The following CNTNAP2 variants were observed in gnomAD, a reference collection of about 807,000 sequenced individuals.
CNTNAP2 encodes contactin-associated protein-like 2.
Under a neutral mutation model 155.2 loss-of-function variants are expected in CNTNAP2, and 98 were observed. That is an observed-to-expected ratio of 0.63 (90% CI 0.54 to 0.75). The LOEUF (loss-of-function observed/expected upper bound fraction) is 0.75, where lower values mean the gene tolerates loss of function less well. Among genes scored for constraint, CNTNAP2 ranks in the 30% least tolerant of loss-of-function variants. CNTNAP2 has a pLI of 0.00. For synonymous variants in CNTNAP2, 651 were observed against 631.2 expected, an observed-to-expected ratio of 1.03 and a Z score of -0.47; for missense variants, 1,727 against 1,688.1, an observed-to-expected ratio of 1.02 and a Z score of -0.40.
intron 1 of CNTNAP2, among the ~76,000 whole-genome samples, chr7:146,489,428 T>G (rs1428972858): frequency 1.3e-5 from 2 of 152,182 alleles, no homozygotes; most frequent in Non-Finnish European, 2.9e-5. Flanking sequence ...AATAATAATG[T>G]GTATGGTTCA....
At chr7:148,288,642 A>G (rs1050293095) in intron 21 of CNTNAP2, among the ~76,000 whole-genome samples, 3 of 152,190 alleles carry the variant, frequency 2.0e-5, no homozygotes, top group Non-Finnish European at 4.4e-5. Context: ...TTGTGGGTCT[A>G]TTCAGATTAT....
chr7:146,469,376 G>A (rs1196931919), intron 1 of CNTNAP2, among the ~76,000 whole-genome samples: 3 of 148,802 alleles, frequency 2.0e-5, no homozygotes, highest in East Asian at 4.0e-4. Context: ...AATGTTGGAA[G>A]CATTAAAAAA....
At chr7:146,400,235 G>A (rs1240598380) in intron 1 of CNTNAP2, among the ~76,000 whole-genome samples, 1 of 150,984 alleles carries the variant, frequency 6.6e-6, no homozygotes, top group African/African-American at 2.5e-5. Flanking sequence ...CCGAATTTGT[G>A]CAATGAGTTA....
At chr7:146,159,997 A>G in intron 1 of CNTNAP2, among the ~76,000 whole-genome samples, 1 of 152,092 alleles carries the variant, frequency 6.6e-6, no homozygotes. Context: ...GAAGTAAAGC[A>G]CTCCTCATTA....
chr7:148,334,157 C>T (rs1169630459), intron 21 of CNTNAP2, among the ~76,000 whole-genome samples: 6 of 152,182 alleles, frequency 3.9e-5, no homozygotes, highest in Non-Finnish European at 7.3e-5. Flanking sequence ...GTTCTTTTAT[C>T]AGAGAGTCTA....
chr7:146,882,221 C>T (rs1181692156), intron 3 of CNTNAP2, among the ~76,000 whole-genome samples: 1 of 151,968 alleles, frequency 6.6e-6, no homozygotes, highest in African/African-American at 2.4e-5. Context: ...TTGATAGGCA[C>T]GTGGGTTGAT....
intron 9 of CNTNAP2, among the ~76,000 whole-genome samples, chr7:147,319,219 T>G (rs1039204384): frequency 2.0e-5 from 3 of 152,214 alleles, no homozygotes; most frequent in Middle Eastern, 3.2e-3. Flanking sequence ...ATCAATAATT[T>G]CAGAATTCTT....
At chr7:146,411,279 C>A (rs576689827) in intron 1 of CNTNAP2, among the ~76,000 whole-genome samples, 1 of 151,932 alleles carries the variant, frequency 6.6e-6, no homozygotes, top group East Asian at 1.9e-4. Flanking sequence ...GCTTCAGCCT[C>A]CTGAGTAGCT....
At chr7:146,249,250 G>A (rs928366172) in intron 1 of CNTNAP2, among the ~76,000 whole-genome samples, 1 of 152,086 alleles carries the variant, frequency 6.6e-6, no homozygotes, top group Non-Finnish European at 1.5e-5. Flanking sequence ...AATGTAATTA[G>A]TATAATTATT....
At chr7:146,327,710 G>T (rs1173650622) in intron 1 of CNTNAP2, among the ~76,000 whole-genome samples, 3 of 152,068 alleles carry the variant, frequency 2.0e-5, no homozygotes, top group Admixed American at 1.3e-4. Flanking sequence ...TAAATTAATG[G>T]CCCCTTAACT....
intron 3 of CNTNAP2, among the ~76,000 whole-genome samples, chr7:146,851,696 GTGTGTT>G: frequency 8.1e-6 from 1 of 123,096 alleles, no homozygotes; most frequent in Non-Finnish European, 1.8e-5. Flanking sequence ...GTGTGTGTGT[GTGTGTT>G]TTGATGGTAT....
rs148035353 is a variant in CNTNAP2 at position 147,495,625 on chromosome 7, T to C, written c.1777+9584T>C. ...TATAAATGTAATACTGTGAAGAGAC[T>C]GGTCTTGTTAAAGGAGCAGCAGGGT... On this transcript the variant is annotated intron_variant, in intron 11 of 23. Coordinates refer to ENST00000361727, the MANE Select transcript of CNTNAP2 (RefSeq NM_014141.6). Among the ~76,000 whole-genome samples the C allele has an allele frequency of 3.7e-4, 57 of 152,340 alleles. No individual in the cohort carries two copies. In the East Asian group the frequency reaches 0.011, roughly 28 times the overall value.
intron 10 of CNTNAP2, among the ~76,000 whole-genome samples, chr7:147,460,765 A>G (rs886568547): frequency 1.3e-5 from 2 of 152,218 alleles, no homozygotes; most frequent in Non-Finnish European, 2.9e-5. Context: ...ACATGTGTGG[A>G]AGACTTTCCT....
chr7:146,756,463 C>A (rs1219845458), intron 1 of CNTNAP2, among the ~76,000 whole-genome samples: 1 of 152,008 alleles, frequency 6.6e-6, no homozygotes, highest in Non-Finnish European at 1.5e-5. Context: ...TCTAGTATAG[C>A]ACTTGATAGT....
At chr7:147,515,837 CA>C (rs747885139) in intron 11 of CNTNAP2, among the ~76,000 whole-genome samples, 2 of 151,998 alleles carry the variant, frequency 1.3e-5, no homozygotes, top group Non-Finnish European at 2.9e-5. Flanking sequence ...GGAACAGCAA[CA>C]AAACTAGTCT....
Position 146,300,124 on chromosome 7 carries a change from AATTTTGG to A in CNTNAP2, c.97+183152_97+183158del, listed in dbSNP as rs1479477656. 2.0e-5 allele frequency among the ~76,000 whole-genome samples: 3 copies of A among 152,200 alleles called. No homozygotes were observed. In the East Asian group the frequency reaches 5.8e-4, roughly 29 times the overall value. On this transcript the variant is annotated intron_variant, in intron 1 of 23. Coordinates refer to ENST00000361727, the MANE Select transcript of CNTNAP2 (RefSeq NM_014141.6). ...AAATGAGGTGAAGAGGACTTGGAGT[AATTTTGG>A]CTGAGAAAAATAAACCTTTACATAC...
At chr7:146,535,004 A>G (rs913809904) in intron 1 of CNTNAP2, among the ~76,000 whole-genome samples, 1 of 135,890 alleles carries the variant, frequency 7.4e-6, no homozygotes. Context: ...CTCATACACA[A>G]TTAGGCGTGC....
intron 10 of CNTNAP2, among the ~76,000 whole-genome samples, chr7:147,461,616 T>C (rs139881084): frequency 6.6e-5 from 10 of 152,342 alleles, no homozygotes; most frequent in Admixed American, 6.5e-4. Context: ...TTCTTGAAAG[T>C]AGTCCAGCTT....
intron 1 of CNTNAP2, among the ~76,000 whole-genome samples, chr7:146,427,151 T>C (rs1364383056): frequency 6.6e-6 from 1 of 152,190 alleles, no homozygotes; most frequent in Non-Finnish European, 1.5e-5. Context: ...AAAAAGATTA[T>C]TTATATATGC....
Sources: allele counts gnomAD v4.1 joint callset (sites outside exome capture counted in the v4.1 genomes callset), GRCh38; gene constraint gnomAD v4.1.1; transcripts MANE v1.5; gene names NCBI Gene and HGNC (gene_info 2026-07-23, HGNC 2026-07-21).